Variants in CREB5 observed in about 807,000 individuals in gnomAD.
The protein encoded by CREB5 is cAMP responsive element binding protein 5.
A neutral mutation model predicts 57.1 loss-of-function variants in CREB5; 19 were observed. That is an observed-to-expected ratio of 0.33 (90% CI 0.23 to 0.49). The LOEUF (loss-of-function observed/expected upper bound fraction) is 0.49. Ranked by LOEUF, CREB5 falls within the 20% of genes least tolerant of loss-of-function variation. The probability of loss-of-function intolerance (pLI) is 0.99; values close to 1 mark genes in which losing one functional copy is unlikely to be tolerated. For synonymous variants in CREB5, 238 were observed against 238.3 expected, an observed-to-expected ratio of 1.00 and a Z score of 0.01; for missense variants, 579 against 671.6, an observed-to-expected ratio of 0.86 and a Z score of 1.52.
chr7:28,413,894 T>G (rs1269278328), intron 1 of CREB5, among the ~76,000 whole-genome samples: 1 of 152,092 alleles, frequency 6.6e-6, no homozygotes, highest in Non-Finnish European at 1.5e-5. Context: ...AATCATGGAG[T>G]TTCCATGATG....
chr7:28,708,154 G>T lies in CREB5; in HGVS notation c.465-10599G>T, dbSNP rs1802217194. 1.4e-4 allele frequency among the ~76,000 whole-genome samples: 22 copies of T among 152,314 alleles called. No individual in the cohort carries two copies. In the South Asian group the frequency reaches 4.3e-3, roughly 30 times the overall value. On this transcript the variant is annotated intron_variant, in intron 5 of 10. Transcript: ENST00000357727. ...TATAACCCAGTGAAGAGTTTGCTCA[G>T]CCTTGTTAGGCAATGCCCCTTTCCT...
chr7:28,598,006 T>C (rs1213585246), intron 5 of CREB5, among the ~76,000 whole-genome samples: 1 of 6,990 alleles, frequency 1.4e-4, no homozygotes, highest in African/African-American at 2.9e-4. Context: ...GAGCTAGAAC[T>C]AGGATGTATT....
At chr7:28,685,848 C>G (rs1319679153) in intron 5 of CREB5, 1 of 323,430 alleles carries the variant, frequency 3.1e-6, no homozygotes, top group African/African-American at 2.1e-5. Flanking sequence ...CGAAGGCTCT[C>G]CGAGCCTGGA....
chr7:28,350,589 A>G (rs1238029358), intron 1 of CREB5, among the ~76,000 whole-genome samples: 1 of 151,982 alleles, frequency 6.6e-6, no homozygotes, highest in Non-Finnish European at 1.5e-5. Context: ...CAAAAAACAA[A>G]CAAACAAACG....
intron 5 of CREB5, among the ~76,000 whole-genome samples, chr7:28,670,970 G>A (rs1276209252): frequency 6.6e-6 from 1 of 152,118 alleles, no homozygotes; most frequent in Non-Finnish European, 1.5e-5. Flanking sequence ...ATAATGGACT[G>A]TTGCAGAAAA....
chr7:28,814,682 G>A (rs1809324094), intron 9 of CREB5, among the ~76,000 whole-genome samples: 1 of 152,172 alleles, frequency 6.6e-6, no homozygotes, highest in African/African-American at 2.4e-5. Flanking sequence ...CTTTCTGGAA[G>A]GAACTTTCTG....
intron 5 of CREB5, among the ~76,000 whole-genome samples, chr7:28,706,659 T>C (rs17157065): frequency 0.067 from 10,181 of 152,224 alleles, 1,087 homozygotes; most frequent in African/African-American, 0.22. Context: ...ACTATTTTAC[T>C]AAGTGTTTCA....
intron 1 of CREB5, among the ~76,000 whole-genome samples, chr7:28,397,096 G>T (rs11773144): frequency 0.01 from 1,561 of 152,224 alleles, 16 homozygotes; most frequent in Non-Finnish European, 0.016. Context: ...TTCTCAGGAA[G>T]AATTTATTTT....
At chr7:28,314,815 A>G (rs1785345436) in intron 1 of CREB5, among the ~76,000 whole-genome samples, 2 of 152,212 alleles carry the variant, frequency 1.3e-5, no homozygotes, top group African/African-American at 4.8e-5. Flanking sequence ...GACCTTCAGA[A>G]GTATGTTGTA....
Position 28,349,607 on chromosome 7 carries a change from A to G in CREB5, c.-25+50166A>G, listed in dbSNP as rs142165543. On this transcript the variant is annotated intron_variant, in intron 1 of 9. Coordinates refer to the CREB5 transcript ENST00000396299. The stretch of plus-strand genomic sequence containing the variant: ...ATGAACCAACTAAGGAAGTAGGACC[A>G]CCATCGGCCCATACAACTTAAGTCC... 6.4e-4 allele frequency among the ~76,000 whole-genome samples: 98 copies of G among 152,270 alleles called. 1 individual carries two copies. The Middle Eastern group carries it at 0.014, about 21-fold the overall frequency.
At chr7:28,355,249 G>A (rs1368111702) in intron 1 of CREB5, among the ~76,000 whole-genome samples, 1 of 152,190 alleles carries the variant, frequency 6.6e-6, no homozygotes, top group African/African-American at 2.4e-5. Flanking sequence ...GGATGAAAGC[G>A]TGCATGTGCA....
chr7:28,450,275 A>T (rs1201694667), intron 1 of CREB5, among the ~76,000 whole-genome samples: 1 of 152,166 alleles, frequency 6.6e-6, no homozygotes, highest in African/African-American at 2.4e-5. Context: ...TACTTATAAT[A>T]TGCCTAGCTG....
chr7:28,327,733 C>T (rs1302532318), intron 1 of CREB5, among the ~76,000 whole-genome samples: 1 of 152,120 alleles, frequency 6.6e-6, no homozygotes, highest in African/African-American at 2.4e-5. Context: ...CTTTTAACAT[C>T]TGTAAATATA....
At chr7:28,357,494 A>T (rs965393186) in intron 1 of CREB5, among the ~76,000 whole-genome samples, 1 of 152,192 alleles carries the variant, frequency 6.6e-6, no homozygotes, top group African/African-American at 2.4e-5. Context: ...GTCATTGGAT[A>T]AGAATTCTAT....
chr7:28,383,083 G>T (rs2127996291), intron 1 of CREB5, among the ~76,000 whole-genome samples: 1 of 152,284 alleles, frequency 6.6e-6, no homozygotes, highest in South Asian at 2.1e-4. Flanking sequence ...ATGAAGGCAG[G>T]AAGAGGCATA....
chr7:28,560,864 G>A (rs1180638588), intron 4 of CREB5, among the ~76,000 whole-genome samples: 1 of 22,478 alleles, frequency 4.4e-5, no homozygotes. Context: ...GTGTGCGTGT[G>A]CCTGCGTGCG....
rs969135697 is a variant in CREB5 at position 28,811,482 on chromosome 7, T to C, written c.1254+2068T>C. ...GCAGCTTACTGCAACCTTGACCTCC[T>C]GGACTCAAGTGTTCCTCCCACCTCA... is the stretch of plus-strand genomic sequence containing the variant. On this transcript the variant is annotated intron_variant, in intron 9 of 10. Transcript: ENST00000357727. Among the ~76,000 whole-genome samples the C allele has an allele frequency of 2.0e-5, 3 of 152,158 alleles. No homozygotes were observed. In the South Asian group the frequency reaches 6.2e-4, roughly 32 times the overall value.
At chr7:28,637,118 T>A (rs1182674665) in intron 5 of CREB5, among the ~76,000 whole-genome samples, 3 of 151,998 alleles carry the variant, frequency 2.0e-5, no homozygotes, top group Admixed American at 1.3e-4. Flanking sequence ...CGTGCCACTG[T>A]ACTCCAGCCT....
At position 28,776,355 on chromosome 7, in the gene CREB5, G is replaced by A. The variant is rs1316885008; in HGVS notation, c.703-27844G>A. ...TCTGTCTCAAAAAAAAAAAAAAGAA[G>A]AAGAAGAAAGTTAAGCGTGCTATTT... is the stretch of plus-strand genomic sequence containing the variant. On this transcript the variant is annotated intron_variant, in intron 7 of 10. Transcript: ENST00000357727. Among the ~76,000 whole-genome samples the A allele has an allele frequency of 4.3e-4, 54 of 124,422 alleles. 2 individuals carry two copies. The highest frequency in any genetic ancestry group is 4.5e-3 in the Middle Eastern group (1 of 220). 81.6% of individuals were successfully genotyped at this position (124,422 alleles called of 152,430 possible).
Sources: gnomAD v4.1 joint callset for allele counts (sites outside exome capture counted in the v4.1 genomes callset) on GRCh38, gnomAD v4.1.1 for gene constraint, MANE v1.5 for transcripts, NCBI Gene and HGNC (gene_info 2026-07-23, HGNC 2026-07-21) for gene names.